MRAP: variants seen among roughly 807,000 people sequenced by gnomAD.
MRAP encodes the protein melanocortin 2 receptor accessory protein, also known as melanocortin-2 receptor accessory protein.
In MRAP, 8 loss-of-function variants were observed where a neutral mutation model predicts 8.7. The observed-to-expected ratio is 0.92, with a 90% CI of 0.54 to 1.66. MRAP has a LOEUF of 1.66. Ranked by LOEUF, MRAP falls within the 40% of genes most tolerant of loss-of-function variation. The pLI, the probability that MRAP is intolerant of heterozygous loss-of-function variation, is 0.00. For missense variants in MRAP, 237 were observed against 217.1 expected (o/e 1.09, Z -0.58); for synonymous variants, 95 against 95.5 (o/e 1.00, Z 0.03).
chr21:32,296,470 A>G (rs1044086106), upstream of MRAP, among the ~76,000 whole-genome samples: 3 of 152,212 alleles, frequency 2.0e-5, no homozygotes, highest in Admixed American at 6.5e-5. Context: ...AGAAACATGT[A>G]GAGTCATGTG....
intron 1 of MRAP, among the ~76,000 whole-genome samples, chr21:32,300,417 T>C (rs910315753): frequency 1.3e-5 from 2 of 149,818 alleles, no homozygotes; most frequent in African/African-American, 5.0e-5. Context: ...GCATCACGCG[T>C]CCTGCGTCGG....
chr21:32,298,375 C>T (rs1408975145), upstream of MRAP, among the ~76,000 whole-genome samples: 2 of 151,936 alleles, frequency 1.3e-5, no homozygotes, highest in Admixed American at 6.6e-5. Flanking sequence ...GCAGGGGGCT[C>T]TCTTTTGGTT....
intron 1 of MRAP, among the ~76,000 whole-genome samples, chr21:32,301,027 G>A (rs562262581): frequency 1.3e-5 from 2 of 148,936 alleles, no homozygotes; most frequent in Admixed American, 6.6e-5. Context: ...ATATGTATCA[G>A]ATATATCAAA....
upstream of MRAP, among the ~76,000 whole-genome samples, chr21:32,295,696 C>T (rs2032126886): frequency 6.6e-6 from 1 of 152,192 alleles, no homozygotes; most frequent in East Asian, 1.9e-4. Flanking sequence ...AGAAATATGG[C>T]CAGGAGTGGT....
intron 1 of MRAP, among the ~76,000 whole-genome samples, chr21:32,303,922 T>G (rs2032343037): frequency 6.6e-6 from 1 of 152,220 alleles, no homozygotes; most frequent in Non-Finnish European, 1.5e-5. Flanking sequence ...CTGACAAAAC[T>G]TAAACTCCAC....
chr21:32,299,723 C>T (rs1051181436), intron 1 of MRAP, among the ~76,000 whole-genome samples: 1 of 152,168 alleles, frequency 6.6e-6, no homozygotes, highest in Non-Finnish European at 1.5e-5. Context: ...TTGCCTTTTC[C>T]ACTGTCTGTA....
chr21:32,299,596 G>A (rs1236041871), intron 1 of MRAP, among the ~76,000 whole-genome samples: 1 of 152,182 alleles, frequency 6.6e-6, no homozygotes, highest in Non-Finnish European at 1.5e-5. Flanking sequence ...TTCCCAAAGT[G>A]CTGGGATTAC....
At chr21:32,307,023 T>C (rs2032437026) in intron 2 of MRAP, among the ~76,000 whole-genome samples, 1 of 152,180 alleles carries the variant, frequency 6.6e-6, no homozygotes, top group African/African-American at 2.4e-5. Context: ...GTCCCTACAA[T>C]GGAATAGTAT....
rs770254927 is a variant in MRAP at position 32,311,983 on chromosome 21, A to G, written c.506A>G (p.Gln169Arg). The G allele has an allele frequency of 3.1e-6, 5 of 1,613,294 alleles. No individual in the cohort carries two copies. Among genetic ancestry groups the G allele is most frequent in the Non-Finnish European group, 4.2e-6 (5 of 1,180,030 alleles). The change falls in exon 3 of 3, where the codon CAA becomes CGA. Residue 169 changes from glutamine (Q) to arginine (R), a missense_variant. Gln to Arg is a conservative substitution (Grantham distance 43, BLOSUM62 1). Coordinates refer to ENST00000303645, the MANE Select transcript of MRAP (RefSeq NM_001379228.1). Reference sequence around the variant, plus strand: ...CCTCCCCCTGGAGACAGGACCTCTCAATTGCAGAGCTGATGTCAGTAAATC... The same window carrying G: ...CCTCCCCCTGGAGACAGGACCTCTCGATTGCAGAGCTGATGTCAGTAAATC... ...SEPPPGDRTSQLQS is the reference protein window; with the variant it reads ...SEPPPGDRTSRLQS
upstream of MRAP, among the ~76,000 whole-genome samples, chr21:32,296,217 A>G (rs1433912687): frequency 6.6e-6 from 1 of 152,048 alleles, no homozygotes; most frequent in Non-Finnish European, 1.5e-5. Flanking sequence ...ACCCATTGTC[A>G]TGGCTTTTTA....
upstream of MRAP, chr21:32,298,789 A>C: frequency 1.7e-6 from 1 of 586,246 alleles, no homozygotes; most frequent in Non-Finnish European, 3.1e-6. Flanking sequence ...TGTGAGACAC[A>C]CCCCCCTGAC....
In MRAP at chr21:32,298,886, C is replaced by G. The variant is rs113549796; in HGVS notation, c.-86C>G. 1 of 897,552 alleles carries G rather than the reference C, an allele frequency of 1.1e-6. No individual in the cohort carries two copies. The highest frequency in any genetic ancestry group is 1.9e-5 in the Admixed American group (1 of 52,906). 55.6% of individuals were successfully genotyped at this position (897,552 alleles called of 1,614,324 possible). The stretch of plus-strand genomic sequence containing the variant: ...ACACTTGGACGATTCCTGCAGAAAT[C>G]AGTGAGGCAGTCTCCTCCCAGGGGC... On this transcript the variant is annotated 5_prime_UTR_variant, in exon 1 of 3. It adds an upstream start codon to the 5' untranslated region. Coordinates refer to ENST00000303645, the MANE Select transcript of MRAP (RefSeq NM_001379228.1).
Position 32,311,852 on chromosome 21 carries a change from G to A in MRAP, c.375G>A (p.Gln125=), listed in dbSNP as rs1274300835. The part of the protein sequence containing the change: ...SRTGPDQPLR[Q]ESSSTLPLGG... ...CTGGCCCTGACCAGCCGCTACGACAGGAGAGCTCCTCCACCTTGCCCCTCG... is the reference window on the plus strand; with the variant it reads ...CTGGCCCTGACCAGCCGCTACGACAAGAGAGCTCCTCCACCTTGCCCCTCG... Residue 125 remains glutamine, a synonymous_variant, in exon 3 of 3, where the codon CAG becomes CAA. Coordinates refer to ENST00000303645, the MANE Select transcript of MRAP (RefSeq NM_001379228.1). The A allele has an allele frequency of 1.2e-6, 2 of 1,614,110 alleles. No individual in the cohort carries two copies. The highest frequency in any genetic ancestry group is 2.2e-5 in the East Asian group (1 of 44,862).
At chr21:32,298,001 C>CT (rs1191410134), upstream of MRAP, among the ~76,000 whole-genome samples, 5 of 152,210 alleles carry the variant, frequency 3.3e-5, no homozygotes, top group African/African-American at 1.2e-4. Context: ...CACAAGAAAG[C>CT]TGGGCGTATT....
intron 1 of MRAP, 109 bp from the exon 2 acceptor site, chr21:32,306,531 C>A: frequency 1.2e-6 from 1 of 853,468 alleles, no homozygotes; most frequent in South Asian, 1.4e-5. Flanking sequence ...TGGAGGACAA[C>A]CGAAACTCAG....
In MRAP at chr21:32,311,978, C is replaced by G; in HGVS notation, c.501C>G (p.Thr167=). 1 of 1,613,348 alleles carries G rather than the reference C, an allele frequency of 6.2e-7. No homozygotes were observed. Among genetic ancestry groups the G allele is most frequent in the Non-Finnish European group, 8.5e-7 (1 of 1,180,036 alleles). ...GCGAGCCTCCCCCTGGAGACAGGAC[C>G]TCTCAATTGCAGAGCTGATGTCAGT... ...KPSEPPPGDR[T]SQLQS The change falls in exon 3 of 3, where the codon ACC becomes ACG. Residue 167 remains threonine, a synonymous_variant. Transcript: ENST00000303645.
chr21:32,310,833 G>A (rs1373578671), intron 2 of MRAP, among the ~76,000 whole-genome samples: 1 of 151,902 alleles, frequency 6.6e-6, no homozygotes, highest in African/African-American at 2.4e-5. Context: ...TTTCAGTAGA[G>A]ACGGGGTTTC....
rs765792719 is a variant in MRAP, at chr21:32,311,927, G to C, written c.450G>C (p.Gly150=). The C allele has an allele frequency of 1.3e-5, 21 of 1,613,746 alleles. 2 individuals carry two copies. The South Asian group carries it at 2.3e-4, about 18-fold the overall frequency. The part of the protein sequence containing the change: ...PTLLWELTLN[G]GPLVRSKPSE... Reference sequence around the variant, plus strand: ...TCCTCTGGGAACTGACCCTCAATGGGGGTCCCCTCGTCAGGAGCAAGCCCA... The same window carrying C: ...TCCTCTGGGAACTGACCCTCAATGGCGGTCCCCTCGTCAGGAGCAAGCCCA... Residue 150 remains glycine (G), a synonymous_variant, in exon 3 of 3, where the codon GGG becomes GGC. Transcript: ENST00000303645.
Position 32,311,709 on chromosome 21 carries a change from T to C in MRAP, c.232T>C (p.Cys78Arg). 3 of 1,613,982 alleles carry C rather than the reference T, an allele frequency of 1.9e-6. No individual in the cohort carries two copies. The highest frequency in any genetic ancestry group is 2.5e-6 in the Non-Finnish European group (3 of 1,179,964). ...GAACAGCCCCAAGCACCACCAAACATGCCCCTGGAGTCACGGCCTCAACCT... is the reference window on the plus strand; with the variant it reads ...GAACAGCCCCAAGCACCACCAAACACGCCCCTGGAGTCACGGCCTCAACCT... ...MRNSPKHHQT[C>R]PWSHGLNLHL... Residue 78 changes from cysteine to arginine, a missense_variant, in exon 3 of 3, where the codon TGC becomes CGC. Cys to Arg is a radical substitution (Grantham distance 180). Transcript: ENST00000303645.
Sources: gnomAD v4.1 joint callset for allele counts (sites outside exome capture counted in the v4.1 genomes callset) on GRCh38, gnomAD v4.1.1 for gene constraint, MANE v1.5 for transcripts, NCBI Gene and HGNC (gene_info 2026-07-23, HGNC 2026-07-21) for gene names.